Variants in ST3GAL3 observed in about 807,000 individuals in gnomAD.
The protein encoded by ST3GAL3 is ST3 beta-galactoside alpha-2,3-sialyltransferase 3.
In ST3GAL3, 21 loss-of-function variants were observed where a neutral mutation model predicts 50.1. The ratio of observed to expected loss-of-function variants is 0.42; its 90% CI spans 0.30 to 0.60. The LOEUF is 0.60. ST3GAL3 is among the 20% of genes least tolerant of loss of function. ST3GAL3 has a pLI of 0.19. For synonymous variants in ST3GAL3, 183 were observed against 190.0 expected, an observed-to-expected ratio of 0.96 and a Z score of 0.30; for missense variants, 353 against 489.4, an observed-to-expected ratio of 0.72 and a Z score of 2.63.
At chr1:43,806,043 T>C (rs2059847743) in intron 3 of ST3GAL3, among the ~76,000 whole-genome samples, 1 of 152,038 alleles carries the variant, frequency 6.6e-6, no homozygotes, top group African/African-American at 2.4e-5. Context: ...AAGGAATACT[T>C]TTCTAAAAGA....
chr1:43,763,018 T>C (rs1461260093), intron 2 of ST3GAL3, among the ~76,000 whole-genome samples: 1 of 152,200 alleles, frequency 6.6e-6, no homozygotes, highest in Non-Finnish European at 1.5e-5. Context: ...GCATTTCCAC[T>C]TCTAGGAATT....
chr1:43,810,367 T>G (rs1245515195), intron 3 of ST3GAL3, among the ~76,000 whole-genome samples: 1 of 152,068 alleles, frequency 6.6e-6, no homozygotes, highest in African/African-American at 2.4e-5. Context: ...TCTGCCAGGC[T>G]TCAGCTGTGG....
intron 5 of ST3GAL3, among the ~76,000 whole-genome samples, chr1:43,875,957 T>G (rs1278775294): frequency 4.5e-5 from 3 of 66,248 alleles, no homozygotes; most frequent in Non-Finnish European, 1.2e-4. Context: ...CTTCTTATTA[T>G]TATTATTATT....
chr1:43,880,364 C>G (rs1028358272), intron 5 of ST3GAL3, among the ~76,000 whole-genome samples: 1 of 152,176 alleles, frequency 6.6e-6, no homozygotes, highest in Non-Finnish European at 1.5e-5. Flanking sequence ...CTCAGGTTCT[C>G]CATACCTCTA....
chr1:43,899,365 A>G lies in ST3GAL3; in HGVS notation c.557+102A>G. ...GTCTGGCTAGTTGGGCTGGAGGTCA[A>G]CGGAAGCCTCAAGAACTCTGGGTTG... On this transcript the variant is annotated intron_variant, in intron 8 of 11. Coordinates refer to ENST00000347631, the MANE Select transcript of ST3GAL3 (RefSeq NM_006279.5). The surrounding 1 kb of genome is among the most constrained non-coding windows in gnomAD (Gnocchi z 5.4). 1 of 1,604,318 alleles carries G rather than the reference A, an allele frequency of 6.2e-7. No individual in the cohort carries two copies. The highest frequency in any genetic ancestry group is 8.5e-7 in the Non-Finnish European group (1 of 1,175,288).
At chr1:43,894,641 G>C (rs1269176499) in intron 6 of ST3GAL3, among the ~76,000 whole-genome samples, 164 bp downstream of exon 6, 4 of 149,406 alleles carry the variant, frequency 2.7e-5, no homozygotes, top group Non-Finnish European at 4.5e-5. Context: ...TTGTTTGTTT[G>C]TTTGTTTTTT....
chr1:43,852,618 G>A (rs1266691844), intron 5 of ST3GAL3, among the ~76,000 whole-genome samples: 2 of 152,234 alleles, frequency 1.3e-5, no homozygotes, highest in Non-Finnish European at 2.9e-5. Flanking sequence ...CAGAGATTGA[G>A]AGTGTAAGGA....
At chr1:43,916,515 G>A (rs946432850) in intron 9 of ST3GAL3, 1 of 152,202 alleles carries the variant, frequency 6.6e-6, no homozygotes, top group African/African-American at 2.4e-5. Context: ...AGAGGTCTGG[G>A]AAAACTAGAA....
chr1:43,858,345 G>T, intron 5 of ST3GAL3: 1 of 1,237,088 alleles, frequency 8.1e-7, no homozygotes, highest in Non-Finnish European at 1.0e-6. Context: ...ACACTGGTGG[G>T]GGCAGCTTCC....
intron 1 of ST3GAL3, among the ~76,000 whole-genome samples, chr1:43,715,296 G>C (rs1025148830): frequency 2.0e-5 from 3 of 152,114 alleles, no homozygotes; most frequent in African/African-American, 7.2e-5. Flanking sequence ...GTTCATGGCT[G>C]TGCGCGGTGG....
chr1:43,915,444 A>G (rs1489409954), intron 9 of ST3GAL3, among the ~76,000 whole-genome samples: 1 of 152,226 alleles, frequency 6.6e-6, no homozygotes, highest in Non-Finnish European at 1.5e-5. Flanking sequence ...GAAATGGTAC[A>G]TTCCTTGCCC....
chr1:43,719,931 T>C (rs768914445), intron 1 of ST3GAL3, among the ~76,000 whole-genome samples: 9 of 69,280 alleles, frequency 1.3e-4, no homozygotes, highest in Non-Finnish European at 2.2e-4. Context: ...AGACTCTGTC[T>C]CAGAAAAAAA....
intron 6 of ST3GAL3, among the ~76,000 whole-genome samples, chr1:43,897,409 G>A (rs2077549277): frequency 1.3e-5 from 2 of 152,162 alleles, no homozygotes; most frequent in Non-Finnish European, 2.9e-5. Flanking sequence ...TCAAAGAAAG[G>A]AAATGATTTA....
chr1:43,885,328 G>A (rs933824519), intron 5 of ST3GAL3, among the ~76,000 whole-genome samples: 10 of 152,198 alleles, frequency 6.6e-5, no homozygotes, highest in African/African-American at 1.9e-4. Context: ...TAGGATCTAA[G>A]GAGAAAGGAT....
intron 1 of ST3GAL3, among the ~76,000 whole-genome samples, chr1:43,724,431 C>G (rs1191411883): frequency 3.4e-5 from 5 of 148,678 alleles, no homozygotes; most frequent in Middle Eastern, 3.5e-3. Context: ...GTTGCCCAGG[C>G]TGGTCTCAAA....
intron 2 of ST3GAL3, among the ~76,000 whole-genome samples, chr1:43,750,020 C>CT (rs796620806): frequency 1.6e-4 from 24 of 152,020 alleles, no homozygotes; most frequent in Admixed American, 6.5e-4. Flanking sequence ...AAATAAATTT[C>CT]TTTTTTTTCA....
chr1:43,721,150 T>G (rs994350966), intron 1 of ST3GAL3, among the ~76,000 whole-genome samples: 36 of 151,506 alleles, frequency 2.4e-4, no homozygotes, highest in Non-Finnish European at 8.8e-5. Context: ...GAGGTTGAGG[T>G]GGGAGGATCA....
chr1:43,877,701 C>T (rs922269777), intron 5 of ST3GAL3, among the ~76,000 whole-genome samples: 1 of 152,120 alleles, frequency 6.6e-6, no homozygotes, highest in East Asian at 1.9e-4. Flanking sequence ...GAACTTGAAC[C>T]CTCCTGTAAA....
At chr1:43,740,113 C>T (rs1321332050) in intron 2 of ST3GAL3, among the ~76,000 whole-genome samples, 1 of 152,020 alleles carries the variant, frequency 6.6e-6, no homozygotes, top group Non-Finnish European at 1.5e-5. Flanking sequence ...CCTGTAATCC[C>T]AGCACTTTGG....
Sources: allele counts gnomAD v4.1 joint callset (sites outside exome capture counted in the v4.1 genomes callset), GRCh38; gene constraint gnomAD v4.1.1; non-coding constraint Gnocchi (gnomAD v3.1); transcripts MANE v1.5; gene names NCBI Gene and HGNC (gene_info 2026-07-23, HGNC 2026-07-21).